MMS22L: variants seen among roughly 807,000 people sequenced by gnomAD.
The protein encoded by MMS22L is MMS22 like, DNA repair protein.
MMS22L carries 74 observed loss-of-function variants against 159.1 expected under a neutral mutation model. The observed-to-expected ratio is 0.47, with a 90% CI of 0.39 to 0.56. MMS22L has a LOEUF of 0.56. MMS22L is among the 20% of genes least tolerant of loss of function. The pLI is 0.00. For missense variants in MMS22L, 1,351 were observed against 1,422.1 expected, an observed-to-expected ratio of 0.95 and a Z score of 0.80; for synonymous variants, 517 against 506.9, an observed-to-expected ratio of 1.02 and a Z score of -0.27.
intron 14 of MMS22L, among the ~76,000 whole-genome samples, chr6:97,212,435 TA>T (rs1379573737): frequency 1.3e-5 from 2 of 152,176 alleles, no homozygotes; most frequent in East Asian, 1.9e-4. Context: ...AATGGAGCCC[TA>T]AAAAATCTTA....
intron 14 of MMS22L, among the ~76,000 whole-genome samples, chr6:97,195,380 A>G (rs1421904978): frequency 6.6e-6 from 1 of 152,224 alleles, no homozygotes; most frequent in Admixed American, 6.5e-5. Flanking sequence ...ATAAAATCCA[A>G]GTGGATAACA....
At chr6:97,148,974 T>C (rs1801059178) in intron 24 of MMS22L, among the ~76,000 whole-genome samples, 1 of 152,172 alleles carries the variant, frequency 6.6e-6, no homozygotes, top group African/African-American at 2.4e-5. Flanking sequence ...TGTTTTCATA[T>C]ATTTAGATAC....
At chr6:97,182,404 A>C (rs1420930784) in intron 15 of MMS22L, among the ~76,000 whole-genome samples, 1 of 152,148 alleles carries the variant, frequency 6.6e-6, no homozygotes, top group Non-Finnish European at 1.5e-5. Context: ...TCCAGCATCT[A>C]GTCTTCTAAG....
intron 11 of MMS22L, among the ~76,000 whole-genome samples, chr6:97,245,218 T>C (rs1812501635): frequency 6.6e-6 from 1 of 152,064 alleles, no homozygotes; most frequent in Admixed American, 6.6e-5. Flanking sequence ...ATTCATACAC[T>C]GTTAGAGCTG....
chr6:97,221,775 G>A (rs528901462), intron 14 of MMS22L, among the ~76,000 whole-genome samples: 10 of 152,060 alleles, frequency 6.6e-5, no homozygotes, highest in African/African-American at 2.4e-4. Flanking sequence ...GCATACACAT[G>A]TGTTTCCCAA....
At chr6:97,231,037 G>A (rs1433476716) in intron 13 of MMS22L, 1 of 167,844 alleles carries the variant, frequency 6.0e-6, no homozygotes, top group Non-Finnish European at 1.3e-5. Context: ...ACTCTCAAAA[G>A]AGACAGAGAA....
At chr6:97,168,659 C>T (rs1803227952) in intron 19 of MMS22L, among the ~76,000 whole-genome samples, 1 of 151,928 alleles carries the variant, frequency 6.6e-6, no homozygotes. Context: ...ATTCCAAAAT[C>T]CAAAAAAATC....
At chr6:97,234,118 G>A (rs1398873645) in intron 11 of MMS22L, 138 bp from the exon 12 acceptor site, 6 of 864,546 alleles carry the variant, frequency 6.9e-6, no homozygotes, top group Non-Finnish European at 1.0e-5. Context: ...ATTCTCATAT[G>A]CAGACTAGGT....
In MMS22L at chr6:97,161,989, C is replaced by G. The variant is rs1802486405; in HGVS notation, c.3385+13G>C. 6.3e-7 allele frequency: 1 copy of G among 1,599,726 alleles called. No homozygotes were observed. The highest frequency in any genetic ancestry group is 1.1e-5 in the South Asian group (1 of 87,560). Reference sequence around the variant, plus strand: ...AAAAGAAAATGGTAACAAAAATAAGCTTACAAACAAACCTTGTGGTTCACT... The same window carrying G: ...AAAAGAAAATGGTAACAAAAATAAGGTTACAAACAAACCTTGTGGTTCACT... On this transcript the variant is annotated intron_variant, in intron 22 of 24. Transcript: ENST00000683635.
intron 7 of MMS22L, among the ~76,000 whole-genome samples, chr6:97,268,664 C>T (rs536918749): frequency 9.9e-5 from 15 of 151,894 alleles, no homozygotes; most frequent in African/African-American, 2.9e-4. Flanking sequence ...TTAACAAATA[C>T]TGATAAACTG....
chr6:97,246,219 G>C (rs1812625185), intron 11 of MMS22L: 1 of 441,298 alleles, frequency 2.3e-6, no homozygotes, highest in Admixed American at 2.7e-5. Context: ...TTATCAGTTA[G>C]AATATGATTC....
intron 12 of MMS22L, 92 bp downstream of exon 12, chr6:97,233,769 C>A: frequency 7.3e-7 from 1 of 1,365,468 alleles, no homozygotes; most frequent in Non-Finnish European, 9.7e-7. Flanking sequence ...AAGAAAAATC[C>A]ATAACTATTC....
intron 14 of MMS22L, among the ~76,000 whole-genome samples, chr6:97,221,563 A>C (rs1266105684): frequency 2.0e-5 from 3 of 151,960 alleles, no homozygotes; most frequent in Admixed American, 2.0e-4. Context: ...AAAGATATAA[A>C]AAATATTTAA....
chr6:97,222,438 T>G (rs1809755607), intron 14 of MMS22L, among the ~76,000 whole-genome samples: 1 of 152,112 alleles, frequency 6.6e-6, no homozygotes, highest in Non-Finnish European at 1.5e-5. Flanking sequence ...AACTATTTCT[T>G]AGTCTCAGTA....
chr6:97,156,358 T>C (rs552827997), intron 22 of MMS22L, among the ~76,000 whole-genome samples: 137 of 152,218 alleles, frequency 9.0e-4, no homozygotes, highest in Non-Finnish European at 1.7e-3. Flanking sequence ...TTTGTTGCCG[T>C]TGCTTTTGGT....
upstream of MMS22L, among the ~76,000 whole-genome samples, chr6:97,283,997 A>G (rs1817012965): frequency 6.6e-6 from 1 of 152,234 alleles, no homozygotes; most frequent in South Asian, 2.1e-4. Flanking sequence ...ATTAAATTAA[A>G]ATGAAAACAC....
In MMS22L at chr6:97,186,713, C is replaced by A. The variant is rs368068531; in HGVS notation, c.2040-23G>T. ...CTCCTAAAAAGAAATAAAAATACAG[C>A]TAACACCCTTAATAAATGCTTACAA... On this transcript the variant is annotated intron_variant, in intron 14 of 24. Coordinates refer to ENST00000683635, the MANE Select transcript of MMS22L (RefSeq NM_001350599.2). The A allele has an allele frequency of 6.9e-6, 10 of 1,455,438 alleles. No homozygotes were observed. The African/African-American group carries it at 1.3e-4, about 19-fold the overall frequency. The allele number at this position is 1,455,438 out of a possible 1,614,324, so 90.2% of individuals were successfully genotyped here.
intron 14 of MMS22L, among the ~76,000 whole-genome samples, chr6:97,225,519 T>C (rs1810135237): frequency 6.6e-6 from 1 of 151,986 alleles, no homozygotes; most frequent in South Asian, 2.1e-4. Context: ...CCCATAACTT[T>C]TGTATTTTTA....
At chr6:97,278,451 G>GA (rs1195165864) in intron 4 of MMS22L, among the ~76,000 whole-genome samples, 20 of 141,986 alleles carry the variant, frequency 1.4e-4, no homozygotes, top group South Asian at 4.5e-4. Context: ...CTAAACAAAA[G>GA]AAAAAAAAAT....
Sources: gnomAD v4.1 joint callset for allele counts (sites outside exome capture counted in the v4.1 genomes callset) on GRCh38, gnomAD v4.1.1 for gene constraint, MANE v1.5 for transcripts, NCBI Gene and HGNC (gene_info 2026-07-23, HGNC 2026-07-21) for gene names.